Variants in OPCML observed in about 807,000 individuals in gnomAD.
The protein encoded by OPCML is opioid binding protein/cell adhesion molecule like, also known as opioid-binding protein/cell adhesion molecule.
OPCML carries 13 observed loss-of-function variants against 37.8 expected under a neutral mutation model. That is an observed-to-expected ratio of 0.34 (90% CI 0.22 to 0.55). The LOEUF is 0.55. Among genes scored for constraint, OPCML ranks in the 20% least tolerant of loss-of-function variants. The pLI is 0.91. For synonymous variants in OPCML, 176 were observed against 168.8 expected (o/e 1.04, Z -0.33); for missense variants, 341 against 435.6 (o/e 0.78, Z 1.93).
At chr11:133,017,960 A>G (rs1018835154) in intron 1 of OPCML, among the ~76,000 whole-genome samples, 1 of 152,036 alleles carries the variant, frequency 6.6e-6, no homozygotes, top group Non-Finnish European at 1.5e-5. Flanking sequence ...CCTCCTGAGC[A>G]TTTTTTTCTG....
At chr11:133,270,254 G>C (rs946096238) in intron 1 of OPCML, among the ~76,000 whole-genome samples, 3 of 152,170 alleles carry the variant, frequency 2.0e-5, no homozygotes, top group African/African-American at 7.2e-5. Context: ...TGGAGTTCTT[G>C]ATACACTGCA....
At chr11:132,501,669 A>G (rs1311849986) in intron 4 of OPCML, among the ~76,000 whole-genome samples, 2 of 152,204 alleles carry the variant, frequency 1.3e-5, no homozygotes, top group African/African-American at 4.8e-5. Flanking sequence ...AACGTGGGCT[A>G]TGCTTCTCAC....
chr11:132,950,422 C>T (rs1945833153), intron 1 of OPCML, among the ~76,000 whole-genome samples: 1 of 152,138 alleles, frequency 6.6e-6, no homozygotes, highest in African/African-American at 2.4e-5. Context: ...CATTTTACAA[C>T]TACCTGTAAT....
chr11:133,302,181 C>G (rs2136568035), intron 1 of OPCML: 1 of 152,308 alleles, frequency 6.6e-6, no homozygotes, highest in East Asian at 1.9e-4. Context: ...CAGATCTCAC[C>G]TTGAATTGTA....
intron 1 of OPCML, among the ~76,000 whole-genome samples, chr11:133,220,983 C>T (rs947755246): frequency 5.3e-5 from 8 of 152,140 alleles, no homozygotes; most frequent in Admixed American, 2.0e-4. Context: ...CATTTTTTGT[C>T]GGAAATGAAA....
At chr11:132,735,250 G>A (rs569593459) in intron 2 of OPCML, among the ~76,000 whole-genome samples, 3 of 152,200 alleles carry the variant, frequency 2.0e-5, no homozygotes, top group South Asian at 2.1e-4. Flanking sequence ...ACATTAAACC[G>A]AGAGTGTAGT....
chr11:133,468,273 C>T (rs1394268632), intron 1 of OPCML, among the ~76,000 whole-genome samples: 1 of 152,184 alleles, frequency 6.6e-6, no homozygotes, highest in East Asian at 1.9e-4. Context: ...CTCTCAGACC[C>T]CTACCTGCAA....
chr11:132,635,884 G>A (rs868165572), intron 3 of OPCML, among the ~76,000 whole-genome samples: 4 of 152,158 alleles, frequency 2.6e-5, no homozygotes, highest in Non-Finnish European at 5.9e-5. Flanking sequence ...TTGAACTTCA[G>A]GAAGCAGCTT....
intron 1 of OPCML, among the ~76,000 whole-genome samples, chr11:133,531,632 T>C (rs1398371870): frequency 6.6e-6 from 1 of 150,440 alleles, no homozygotes; most frequent in Non-Finnish European, 1.5e-5. Context: ...CAGGAGCAGA[T>C]GAGTGAGCTG....
At chr11:133,115,293 C>T (rs1252749344) in intron 1 of OPCML, among the ~76,000 whole-genome samples, 1 of 152,198 alleles carries the variant, frequency 6.6e-6, no homozygotes, top group Non-Finnish European at 1.5e-5. Flanking sequence ...TCCAGCCTGC[C>T]AGGCAGCAGG....
At chr11:133,493,036 G>A (rs1034945524) in intron 1 of OPCML, among the ~76,000 whole-genome samples, 6 of 152,122 alleles carry the variant, frequency 3.9e-5, no homozygotes, top group East Asian at 1.9e-4. Flanking sequence ...TCAGTCCTTC[G>A]GAGCCCAGTA....
chr11:133,159,361 G>A (rs923238630), intron 1 of OPCML, among the ~76,000 whole-genome samples: 4 of 152,118 alleles, frequency 2.6e-5, no homozygotes, highest in African/African-American at 9.7e-5. Context: ...ACAACAAGTG[G>A]CCCTAAATGT....
At chr11:133,199,133 T>G (rs1192180576) in intron 1 of OPCML, among the ~76,000 whole-genome samples, 1 of 152,108 alleles carries the variant, frequency 6.6e-6, no homozygotes, top group Non-Finnish European at 1.5e-5. Flanking sequence ...ACAGACATTT[T>G]GGGCAAACCT....
intron 4 of OPCML, among the ~76,000 whole-genome samples, chr11:132,509,799 G>C (rs2096264990): frequency 6.6e-6 from 1 of 152,220 alleles, no homozygotes; most frequent in Non-Finnish European, 1.5e-5. Context: ...GGCCCTCATG[G>C]AGAACCTCTG....
At chr11:132,685,162 C>A (rs2135866619) in intron 2 of OPCML, among the ~76,000 whole-genome samples, 1 of 152,238 alleles carries the variant, frequency 6.6e-6, no homozygotes, top group East Asian at 1.9e-4. Flanking sequence ...CTTTTTCTTG[C>A]CCTGTCATCT....
chr11:132,895,672 G>A (rs932460512), intron 2 of OPCML, among the ~76,000 whole-genome samples: 8 of 152,170 alleles, frequency 5.3e-5, no homozygotes, highest in Non-Finnish European at 1.0e-4. Context: ...AGCAGAAGTG[G>A]TTCCCACCCA....
At chr11:133,032,972 C>A (rs867099079) in intron 1 of OPCML, among the ~76,000 whole-genome samples, 3 of 152,198 alleles carry the variant, frequency 2.0e-5, no homozygotes, top group Admixed American at 6.5e-5. Context: ...TATATAATTA[C>A]TCTACATTAA....
At chr11:132,648,158 G>A (rs1399358673) in intron 3 of OPCML, among the ~76,000 whole-genome samples, 1 of 152,152 alleles carries the variant, frequency 6.6e-6, no homozygotes, top group Non-Finnish European at 1.5e-5. Flanking sequence ...TCTTGCGGGT[G>A]GTGAGGCTTG....
At chr11:133,399,933 C>G (rs1300480253) in intron 1 of OPCML, among the ~76,000 whole-genome samples, 5 of 151,574 alleles carry the variant, frequency 3.3e-5, no homozygotes, top group Admixed American at 3.3e-4. Flanking sequence ...ATGCACACGT[C>G]TGTTGCATAT....
Sources: allele counts gnomAD v4.1 joint callset (sites outside exome capture counted in the v4.1 genomes callset), GRCh38; gene constraint gnomAD v4.1.1; transcripts MANE v1.5; gene names NCBI Gene and HGNC (gene_info 2026-07-23, HGNC 2026-07-21).